Variants in CCDC149 observed in about 807,000 individuals in gnomAD.
CCDC149 encodes coiled-coil domain containing 149.
A neutral mutation model predicts 59.9 loss-of-function variants in CCDC149; 45 were observed. That is an observed-to-expected ratio of 0.75 (90% confidence interval 0.59 to 0.96). The LOEUF (loss-of-function observed/expected upper bound fraction) is 0.96. CCDC149 is among the 40% of genes least tolerant of loss of function. The probability of loss-of-function intolerance (pLI) is 0.00; values close to 1 mark genes in which losing one functional copy is unlikely to be tolerated. For synonymous variants in CCDC149, 245 were observed against 260.6 expected (o/e 0.94, Z 0.58); for missense variants, 584 against 664.7 (o/e 0.88, Z 1.33).
chr4:24,837,206 A>T lies in CCDC149; in HGVS notation c.662+22T>A, dbSNP rs1283901282. 2 of 1,610,108 alleles carry T rather than the reference A, an allele frequency of 1.2e-6. No individual in the cohort carries two copies. On this transcript the variant is annotated intron_variant, in intron 6 of 12. Transcript: ENST00000635206. The surrounding 1 kb of genome is among the most constrained non-coding windows in gnomAD (Gnocchi z 4.3). Reference sequence around the variant, plus strand: ...CAGAGCCAGCCTTCCTCCCACGCACAGGCCTGGGCCTGGCCACTTGCCTGT... The same window carrying T: ...CAGAGCCAGCCTTCCTCCCACGCACTGGCCTGGGCCTGGCCACTTGCCTGT...
chr4:24,948,053 T>G (rs2167955), intron 1 of CCDC149, among the ~76,000 whole-genome samples: 132,950 of 152,142 alleles, frequency 0.87, 58,154 homozygotes, highest in South Asian at 0.91. Context: ...TCATGGACGT[T>G]ACTTTAACTG....
chr4:24,831,516 G>C lies in CCDC149; in HGVS notation c.955C>G (p.Gln319Glu), dbSNP rs1716146426. 1 of 1,613,736 alleles carries C rather than the reference G, an allele frequency of 6.2e-7. No individual in the cohort carries two copies. The change falls in exon 9 of 13, where the codon CAA becomes GAA. Residue 319 changes from glutamine to glutamate, a missense_variant. Coordinates refer to ENST00000635206, the MANE Select transcript of CCDC149 (RefSeq NM_001330643.2). ...AGTTTGGCCACCTACTTGTTGGTTT[G>C]CCTCTGGTGCTGAATGACCATGTTT...
At position 24,910,017 on chromosome 4, in the gene CCDC149, G is replaced by A. The variant is rs935029468; in HGVS notation, c.63+2800C>T. Among the ~76,000 whole-genome samples the A allele has an allele frequency of 2.6e-5, 4 of 152,206 alleles. No homozygotes were observed. The South Asian group carries it at 8.3e-4, about 32-fold the overall frequency. Reference sequence around the variant, plus strand: ...GCTGTAACAAATGATCATAAACGGGGTGGCTTAAAACAACAGGAGTGTATT... The same window carrying A: ...GCTGTAACAAATGATCATAAACGGGATGGCTTAAAACAACAGGAGTGTATT... On this transcript the variant is annotated intron_variant, in intron 1 of 12. Coordinates refer to ENST00000635206, the MANE Select transcript of CCDC149 (RefSeq NM_001330643.2).
At chr4:24,859,382 A>G (rs1248424418) in intron 3 of CCDC149, among the ~76,000 whole-genome samples, 1 of 152,090 alleles carries the variant, frequency 6.6e-6, no homozygotes, top group Non-Finnish European at 1.5e-5. Flanking sequence ...ATCAGAATGT[A>G]ACCCCCTTGA....
Position 24,951,371 on chromosome 4 carries a change from A to G in CCDC149, c.-65+28698T>C, listed in dbSNP as rs549650041. 3.9e-5 allele frequency among the ~76,000 whole-genome samples: 6 copies of G among 152,374 alleles called. No individual in the cohort carries two copies. The East Asian group carries it at 1.2e-3, about 29-fold the overall frequency. The stretch of plus-strand genomic sequence containing the variant: ...CATGCATTAGGAGTCGATTTTAAAC[A>G]GCAAATATGCCATAGTCAGTCATAG... On this transcript the variant is annotated intron_variant, in intron 1 of 12. Transcript: ENST00000389609.
At chr4:24,928,475 A>G (rs781400634) in intron 1 of CCDC149, among the ~76,000 whole-genome samples, 19 of 152,198 alleles carry the variant, frequency 1.2e-4, no homozygotes, top group Non-Finnish European at 2.8e-4. Flanking sequence ...AAGGCTTAAC[A>G]TGGACCACCA....
intron 1 of CCDC149, among the ~76,000 whole-genome samples, chr4:24,901,914 T>C (rs1721194510): frequency 6.6e-6 from 1 of 152,202 alleles, no homozygotes; most frequent in Non-Finnish European, 1.5e-5. Context: ...CCCTTTTCTC[T>C]ATTCCCATCA....
At chr4:24,815,599 C>T (rs1039789534) in intron 12 of CCDC149, among the ~76,000 whole-genome samples, 11 of 152,188 alleles carry the variant, frequency 7.2e-5, no homozygotes, top group Non-Finnish European at 1.2e-4. Context: ...TAACCTTACT[C>T]GTAACAACCT....
intron 1 of CCDC149, among the ~76,000 whole-genome samples, chr4:24,975,607 C>T (rs1450302747): frequency 6.7e-6 from 1 of 150,374 alleles, no homozygotes; most frequent in Non-Finnish European, 1.5e-5. Flanking sequence ...AGAGAGGAAG[C>T]ATACGTCCTG....
At chr4:24,825,569 C>T (rs549320835) in intron 9 of CCDC149, among the ~76,000 whole-genome samples, 4 of 151,990 alleles carry the variant, frequency 2.6e-5, no homozygotes, top group East Asian at 2.0e-4. Context: ...GTCAGGAGAT[C>T]GAGACCATCC....
At chr4:24,941,574 C>T (rs1457400762) in intron 1 of CCDC149, among the ~76,000 whole-genome samples, 1 of 151,988 alleles carries the variant, frequency 6.6e-6, no homozygotes, top group African/African-American at 2.4e-5. Context: ...AATCGAGACA[C>T]AAAAAACCCT....
In CCDC149 at chr4:24,867,194, G is replaced by A. The variant is rs73103241; in HGVS notation, c.264+6487C>T. ...GCACTCTCCAACTAACAGACAATGA[G>A]CATCACAAACACCGCCACATCAGTG... is the stretch of plus-strand genomic sequence containing the variant. On this transcript the variant is annotated intron_variant, in intron 3 of 12. Coordinates refer to ENST00000635206, the MANE Select transcript of CCDC149 (RefSeq NM_001330643.2). 6.9e-3 allele frequency among the ~76,000 whole-genome samples: 1,050 copies of A among 152,266 alleles called. 14 individuals carry two copies. The highest frequency in any genetic ancestry group is 0.024 in the African/African-American group (1,005 of 41,540).
At chr4:24,805,352 AG>A (rs1265585032), downstream of CCDC149, among the ~76,000 whole-genome samples, 1 of 152,194 alleles carries the variant, frequency 6.6e-6, no homozygotes, top group Non-Finnish European at 1.5e-5. Flanking sequence ...GATGCCAGGG[AG>A]GGGGGATGAG....
At chr4:24,973,297 T>C (rs1430556500) in intron 1 of CCDC149, among the ~76,000 whole-genome samples, 1 of 152,222 alleles carries the variant, frequency 6.6e-6, no homozygotes, top group African/African-American at 2.4e-5. Flanking sequence ...CCTCAGGCCT[T>C]AGTCACTCAT....
chr4:24,977,576 A>T (rs932073435), intron 1 of CCDC149, among the ~76,000 whole-genome samples: 1 of 152,178 alleles, frequency 6.6e-6, no homozygotes, highest in African/African-American at 2.4e-5. Flanking sequence ...TGAAGATGAT[A>T]AAAAAGATGA....
At chr4:24,969,393 G>T (rs1395458932) in intron 1 of CCDC149, among the ~76,000 whole-genome samples, 1 of 152,174 alleles carries the variant, frequency 6.6e-6, no homozygotes, top group African/African-American at 2.4e-5. Flanking sequence ...GTTGCCTTCT[G>T]GCCATTGAGA....
intron 1 of CCDC149, among the ~76,000 whole-genome samples, chr4:24,953,661 G>A (rs1295980912): frequency 6.6e-6 from 1 of 152,140 alleles, no homozygotes. Flanking sequence ...GCAAAGTATG[G>A]CCTATTCAGA....
chr4:24,863,581 C>A (rs981975482), intron 3 of CCDC149, among the ~76,000 whole-genome samples: 30 of 152,314 alleles, frequency 2.0e-4, no homozygotes, highest in African/African-American at 7.2e-4. Flanking sequence ...TAGAAAAGTT[C>A]CTCTTCAAAG....
intron 3 of CCDC149, among the ~76,000 whole-genome samples, chr4:24,872,998 C>G (rs1719141791): frequency 6.7e-6 from 1 of 149,134 alleles, no homozygotes; most frequent in Admixed American, 6.7e-5. Context: ...ACCCACTGAA[C>G]AGTATGCACC....
Sources: allele counts gnomAD v4.1 joint callset (sites outside exome capture counted in the v4.1 genomes callset), GRCh38; gene constraint gnomAD v4.1.1; non-coding constraint Gnocchi (gnomAD v3.1); transcripts MANE v1.5; gene names NCBI Gene and HGNC (gene_info 2026-07-23, HGNC 2026-07-21).